PPARGC1A: variants seen among roughly 807,000 people sequenced by gnomAD.
PPARGC1A encodes peroxisome proliferator-activated receptor gamma coactivator 1-alpha.
A neutral mutation model predicts 88.7 loss-of-function variants in PPARGC1A; 25 were observed. The observed-to-expected ratio is 0.28, with a 90% CI of 0.21 to 0.39. The LOEUF (loss-of-function observed/expected upper bound fraction) is 0.39. Among genes scored for constraint, PPARGC1A ranks in the 10% least tolerant of loss-of-function variants. The pLI is 1.00. For missense variants in PPARGC1A, 880 were observed against 968.7 expected, an observed-to-expected ratio of 0.91 and a Z score of 1.22; for synonymous variants, 363 against 355.6, an observed-to-expected ratio of 1.02 and a Z score of -0.24.
the PPARGC1A span, among the ~76,000 whole-genome samples, chr4:24,100,613 C>T: frequency 6.6e-6 from 1 of 152,006 alleles, no homozygotes; most frequent in Non-Finnish European, 1.5e-5. Flanking sequence ...CACAAAATGT[C>T]AGAAAATACC....
At chr4:24,041,641 C>T in the PPARGC1A span, among the ~76,000 whole-genome samples, 1 of 152,058 alleles carries the variant, frequency 6.6e-6, no homozygotes, top group African/African-American at 2.4e-5. Flanking sequence ...CCTTTGAAAG[C>T]CTAAATGAAA....
chr4:24,352,313 TC>T, the PPARGC1A span, among the ~76,000 whole-genome samples: 2 of 151,988 alleles, frequency 1.3e-5, no homozygotes, highest in Non-Finnish European at 2.9e-5. Flanking sequence ...TAAGGCGCCC[TC>T]CCCTGTCAGA....
At chr4:24,109,134 G>A in the PPARGC1A span, among the ~76,000 whole-genome samples, 8 of 151,112 alleles carry the variant, frequency 5.3e-5, no homozygotes, top group Non-Finnish European at 1.0e-4. Flanking sequence ...GGCTGAAATT[G>A]ATTTTCATTT....
At chr4:23,999,826 C>G in the PPARGC1A span, among the ~76,000 whole-genome samples, 1 of 152,068 alleles carries the variant, frequency 6.6e-6, no homozygotes, top group African/African-American at 2.4e-5. Flanking sequence ...GAGAGGTAGA[C>G]GCAGCCGCCC....
the PPARGC1A span, among the ~76,000 whole-genome samples, chr4:24,332,377 A>T: frequency 6.6e-6 from 1 of 152,334 alleles, no homozygotes; most frequent in East Asian, 1.9e-4. Flanking sequence ...AATAAAGGCC[A>T]CATTGCAGGG....
At chr4:24,105,848 G>A in the PPARGC1A span, among the ~76,000 whole-genome samples, 1 of 152,138 alleles carries the variant, frequency 6.6e-6, no homozygotes, top group Non-Finnish European at 1.5e-5. Flanking sequence ...TCGGAGAAGA[G>A]GCCCCAGCTC....
the PPARGC1A span, among the ~76,000 whole-genome samples, chr4:24,440,337 T>A: frequency 5.3e-5 from 8 of 152,176 alleles, no homozygotes; most frequent in Non-Finnish European, 1.0e-4. Context: ...AAGCTCCTCA[T>A]CGGTTTTTTC....
At chr4:23,807,735 TTGTG>T (rs578197512) in intron 10 of PPARGC1A, among the ~76,000 whole-genome samples, 28 of 150,144 alleles carry the variant, frequency 1.9e-4, no homozygotes, top group Admixed American at 9.3e-4. Flanking sequence ...TTTTTTTCTT[TTGTG>T]TGTGTGTGTG....
the PPARGC1A span, among the ~76,000 whole-genome samples, chr4:24,446,531 G>A: frequency 1.3e-5 from 2 of 151,822 alleles, no homozygotes; most frequent in Non-Finnish European, 2.9e-5. Flanking sequence ...ACAGAGGTGT[G>A]CTAACGGCCA....
At chr4:23,832,588 T>G (rs913873356) in intron 2 of PPARGC1A, among the ~76,000 whole-genome samples, 1 of 150,206 alleles carries the variant, frequency 6.7e-6, no homozygotes, top group African/African-American at 2.5e-5. Flanking sequence ...CAGTGCACTA[T>G]TATTTCTTTT....
At chr4:24,207,400 T>G in the PPARGC1A span, among the ~76,000 whole-genome samples, 1 of 152,244 alleles carries the variant, frequency 6.6e-6, no homozygotes, top group Admixed American at 6.5e-5. Flanking sequence ...AAACATATTC[T>G]GAAAATTATA....
intron 10 of PPARGC1A, among the ~76,000 whole-genome samples, chr4:23,810,272 A>T (rs1054992526): frequency 2.0e-5 from 3 of 152,226 alleles, no homozygotes; most frequent in Non-Finnish European, 2.9e-5. Context: ...TTTAAAGCCA[A>T]AATTCTCACA....
At chr4:24,149,256 T>C in the PPARGC1A span, among the ~76,000 whole-genome samples, 1 of 152,188 alleles carries the variant, frequency 6.6e-6, no homozygotes, top group East Asian at 1.9e-4. Flanking sequence ...ATAATGGAGA[T>C]ATGCCACCTG....
At chr4:23,972,926 T>G in the PPARGC1A span, among the ~76,000 whole-genome samples, 1 of 152,198 alleles carries the variant, frequency 6.6e-6, no homozygotes, top group Non-Finnish European at 1.5e-5. Context: ...CTTCGACCTG[T>G]GACTTCCTAT....
chr4:24,409,971 C>T, the PPARGC1A span, among the ~76,000 whole-genome samples: 2 of 152,284 alleles, frequency 1.3e-5, no homozygotes, highest in East Asian at 3.9e-4. Flanking sequence ...AAACAACAAC[C>T]AAAGAGGTTA....
At chr4:24,223,966 C>T in the PPARGC1A span, among the ~76,000 whole-genome samples, 1 of 152,252 alleles carries the variant, frequency 6.6e-6, no homozygotes, top group Admixed American at 6.5e-5. Flanking sequence ...GACGCAATTC[C>T]TATAAATAAG....
At chr4:23,952,574 T>C in the PPARGC1A span, among the ~76,000 whole-genome samples, 1 of 152,140 alleles carries the variant, frequency 6.6e-6, no homozygotes. Flanking sequence ...TCCTCTTTTT[T>C]ACCTTTGGCC....
At position 23,793,343 on chromosome 4, in the gene PPARGC1A, G is replaced by A. The variant is rs994986092; in HGVS notation, c.*2479C>T. 3 of 152,518 alleles carry A rather than the reference G, an allele frequency of 2.0e-5. No individual in the cohort carries two copies. The highest frequency in any genetic ancestry group is 4.4e-5 in the Non-Finnish European group (3 of 68,022). 9.4% of individuals were successfully genotyped at this position (152,518 alleles called of 1,614,324 possible). A position where few individuals can be genotyped will look rare whatever the true frequency, so the allele number is the denominator to read the frequency against. On this transcript the variant is annotated 3_prime_UTR_variant, in exon 13 of 13. Coordinates refer to ENST00000264867, the MANE Select transcript of PPARGC1A (RefSeq NM_013261.5). Reference sequence around the variant, plus strand: ...GTTGTAACGCAGAACCTGTGAACAAGTTCTTTCATTTCATAGTATTTTTAT... The same window carrying A: ...GTTGTAACGCAGAACCTGTGAACAAATTCTTTCATTTCATAGTATTTTTAT...
chr4:23,887,752 AAGAG>A (rs1327050631), intron 1 of PPARGC1A, among the ~76,000 whole-genome samples: 1 of 152,022 alleles, frequency 6.6e-6, no homozygotes, highest in Admixed American at 6.6e-5. Context: ...GTAAATTTTA[AAGAG>A]AGAGAGAGAA....
Sources: allele counts gnomAD v4.1 joint callset (sites outside exome capture counted in the v4.1 genomes callset), GRCh38; gene constraint gnomAD v4.1.1; transcripts MANE v1.5; gene names NCBI Gene and HGNC (gene_info 2026-07-23, HGNC 2026-07-21).